Variants in BOD1L1 observed in about 807,000 individuals in gnomAD.
The protein encoded by BOD1L1 is biorientation of chromosomes in cell division protein 1-like 1.
BOD1L1 carries 86 observed loss-of-function variants against 240.7 expected under a neutral mutation model. That is an observed-to-expected ratio of 0.36 (90% CI 0.30 to 0.43). The LOEUF (loss-of-function observed/expected upper bound fraction) is 0.43, where lower values mean the gene tolerates loss of function less well. BOD1L1 is among the 20% of genes least tolerant of loss of function. BOD1L1 has a pLI of 1.00. For synonymous variants in BOD1L1, 1,268 were observed against 1,272.3 expected, an observed-to-expected ratio of 1.00 and a Z score of 0.07; for missense variants, 3,554 against 3,643.5, an observed-to-expected ratio of 0.98 and a Z score of 0.63.
At chr4:13,577,380 T>C (rs745864475) in intron 24 of BOD1L1, 23 bp downstream of exon 24, 14 of 1,604,566 alleles carry the variant, frequency 8.7e-6, no homozygotes, top group Non-Finnish European at 1.1e-5. Flanking sequence ...ATAAGACTTA[T>C]TAAGAATTTG....
chr4:13,576,094 G>T (rs1333397826), intron 25 of BOD1L1, among the ~76,000 whole-genome samples: 1 of 151,762 alleles, frequency 6.6e-6, no homozygotes, highest in Non-Finnish European at 1.5e-5. Context: ...TAGAGACGGG[G>T]TTTCACCATG....
Position 13,580,746 on chromosome 4 carries a change from T to A in BOD1L1, c.8703+274A>T, listed in dbSNP as rs867087557. Among the ~76,000 whole-genome samples the A allele has an allele frequency of 6.6e-5, 10 of 152,158 alleles. 1 individual carries two copies. The highest frequency in any genetic ancestry group is 3.2e-3 in the Middle Eastern group (1 of 316). On this transcript the variant is annotated intron_variant, in intron 21 of 25. Transcript: ENST00000040738. Reference sequence around the variant, plus strand: ...TCAAAATCTTATAAAATAGCTAATTTGTATATTTTAACCAAGGGTGGCCAC... The same window carrying A: ...TCAAAATCTTATAAAATAGCTAATTAGTATATTTTAACCAAGGGTGGCCAC...
intron 1 of BOD1L1, among the ~76,000 whole-genome samples, chr4:13,627,039 G>C (rs1717447726): frequency 1.3e-5 from 2 of 152,198 alleles, no homozygotes; most frequent in African/African-American, 4.8e-5. Context: ...CATCAGATAT[G>C]AGAATGAATA....
chr4:13,596,036 T>G (rs1577338419), intron 11 of BOD1L1, 92 bp from the exon 12 acceptor site: 5 of 1,008,092 alleles, frequency 5.0e-6, no homozygotes, highest in Non-Finnish European at 7.4e-6. Flanking sequence ...AAACCCAGCA[T>G]CCTGAAACAA....
In BOD1L1 at chr4:13,577,660, ATATTT is replaced by A. The variant is rs1220589912; in HGVS notation, c.8750-34_8750-30del. 11 of 1,485,576 alleles carry A rather than the reference ATATTT, an allele frequency of 7.4e-6. No individual in the cohort carries two copies. The African/African-American group carries it at 8.4e-5, about 11-fold the overall frequency. The allele number at this position is 1,485,576 out of a possible 1,614,324, so 92.0% of individuals were successfully genotyped here. On this transcript the variant is annotated intron_variant, in intron 22 of 25. Coordinates refer to ENST00000040738, the MANE Select transcript of BOD1L1 (RefSeq NM_148894.3). Reference sequence around the variant, plus strand: ...TAAGAAAAGGGAAATCTCTGCATTAATATTTTATTACTGTAAATTTAAATTTCAAC... The same window carrying A: ...TAAGAAAAGGGAAATCTCTGCATTAATATTACTGTAAATTTAAATTTCAAC...
chr4:13,604,991 A>T lies in BOD1L1; in HGVS notation c.1909T>A (p.Ser637Thr). Residue 637 changes from serine (S) to threonine (T), a missense_variant, in exon 10 of 26, where the codon TCT becomes ACT. Physicochemically the swap from Ser to Thr is moderately conservative, Grantham distance 58 (BLOSUM62 1). Transcript: ENST00000040738. ...TTGTTTTCGTCAACTACATGCAAAG[A>T]CTCTGAAAGTCTCCGGGCAGGTTTA... ...PSKPARRLSE[S>T]LHVVDENKNE... is the part of the protein sequence containing the mutation. 6.2e-7 allele frequency: 1 copy of T among 1,612,802 alleles called. No homozygotes were observed. The highest frequency in any genetic ancestry group is 8.5e-7 in the Non-Finnish European group (1 of 1,179,580).
chr4:13,581,104 G>T, intron 20 of BOD1L1, 28 bp downstream of exon 20: 1 of 1,565,774 alleles, frequency 6.4e-7, no homozygotes, highest in Non-Finnish European at 8.7e-7. Context: ...TTTCTTGTGT[G>T]TGAACTGAAA....
chr4:13,576,735 A>G, intron 25 of BOD1L1, 103 bp downstream of exon 25: 1 of 1,387,466 alleles, frequency 7.2e-7, no homozygotes, highest in Non-Finnish European at 9.7e-7. Context: ...CTTCCACTGC[A>G]GCATGAATGA....
At chr4:13,611,431 C>T (rs1716165791) in intron 5 of BOD1L1, among the ~76,000 whole-genome samples, 1 of 152,202 alleles carries the variant, frequency 6.6e-6, no homozygotes. Flanking sequence ...GTTCTGAGAG[C>T]TCTGCTTCGC....
intron 1 of BOD1L1, among the ~76,000 whole-genome samples, chr4:13,621,866 C>CT (rs144306218): frequency 4.6e-5 from 5 of 108,954 alleles, no homozygotes; most frequent in African/African-American, 1.3e-4. Context: ...AAAATTAATT[C>CT]TTTTTTTTTT....
At chr4:13,596,038 C>T in intron 11 of BOD1L1, 94 bp from the exon 12 acceptor site, 1 of 992,224 alleles carries the variant, frequency 1.0e-6, no homozygotes, top group Non-Finnish European at 1.5e-6. Flanking sequence ...ACCCAGCATC[C>T]TGAAACAATA....
At position 13,627,542 on chromosome 4, in the gene BOD1L1, G is replaced by A; in HGVS notation, c.46C>T (p.Pro16Ser). The change falls in exon 1 of 26, where the codon CCT becomes TCT. Residue 16 changes from proline to serine, a missense_variant. Pro to Ser is a moderately conservative substitution (Grantham distance 74, BLOSUM62 -1). Transcript: ENST00000040738. ...QPQPPPPAPP[P>S]PPPQPQPQPP... ...TGCGGCTGCGGCTGCGGCGGGGGAG[G>A]CGGCGGCGCCGGAGGAGGCGGCTGC... 24 of 1,130,844 alleles carry A rather than the reference G, an allele frequency of 2.1e-5. No homozygotes were observed. Among genetic ancestry groups the A allele is most frequent in the Non-Finnish European group, 2.6e-5 (24 of 923,054 alleles). 70.1% of individuals were successfully genotyped at this position (1,130,844 alleles called of 1,614,324 possible). A position where few individuals can be genotyped will look rare whatever the true frequency, so the allele number is the denominator to read the frequency against.
At chr4:13,610,829 C>A (rs1716098133) in intron 6 of BOD1L1, 105 bp downstream of exon 6, 10 of 944,580 alleles carry the variant, frequency 1.1e-5, no homozygotes, top group Admixed American at 3.2e-5. Flanking sequence ...GAAGGCAAAT[C>A]CTGTATGTCT....
chr4:13,595,607 T>G (rs879752161), intron 12 of BOD1L1, among the ~76,000 whole-genome samples: 1 of 152,236 alleles, frequency 6.6e-6, no homozygotes, highest in African/African-American at 2.4e-5. Context: ...AAAACAACTT[T>G]CGTTTTGCAT....
At chr4:13,570,734 T>C (rs1371240328) in intron 25 of BOD1L1, among the ~76,000 whole-genome samples, 1 of 152,190 alleles carries the variant, frequency 6.6e-6, no homozygotes, top group African/African-American at 2.4e-5. Context: ...ATGAAGTTCC[T>C]CTTGGGTCTC....
rs182961873 is a variant in BOD1L1 at position 13,612,760 on chromosome 4, T to C, written c.1324+752A>G. Among the ~76,000 whole-genome samples, 220 of 152,180 alleles carry C rather than the reference T, an allele frequency of 1.4e-3. 1 individual carries two copies. The highest frequency in any genetic ancestry group is 5.1e-3 in the African/African-American group (212 of 41,534). Reference sequence around the variant, plus strand: ...TGAGTCAAGCTAAACAGTCTAACGATGTGATTTAGGGTCGGAGTGTTGGGT... The same window carrying C: ...TGAGTCAAGCTAAACAGTCTAACGACGTGATTTAGGGTCGGAGTGTTGGGT... On this transcript the variant is annotated intron_variant, in intron 5 of 25. Coordinates refer to ENST00000040738, the MANE Select transcript of BOD1L1 (RefSeq NM_148894.3).
At position 13,604,048 on chromosome 4, in the gene BOD1L1, T is replaced by G; in HGVS notation, c.2852A>C (p.Asp951Ala). The change falls in exon 10 of 26, where the codon GAC (aspartate) becomes GCC (alanine). Residue 951 changes from aspartate to alanine, a missense_variant. Coordinates refer to ENST00000040738, the MANE Select transcript of BOD1L1 (RefSeq NM_148894.3). ...PDKEKNTEEN[D>A]SEKQRKSKVE... ...TTTAGACTTACGCTGTTTTTCTGAG[T>G]CATTTTCTTCTGTGTTCTTCTCCTT... The G allele has an allele frequency of 6.2e-7, 1 of 1,613,894 alleles. No individual in the cohort carries two copies. The highest frequency in any genetic ancestry group is 8.5e-7 in the Non-Finnish European group (1 of 1,179,874).
Position 13,600,667 on chromosome 4 carries a change from G to C in BOD1L1, c.6233C>G (p.Thr2078Arg). The change falls in exon 10 of 26, where the codon ACA becomes AGA. Residue 2078 changes from threonine (T) to arginine (R), a missense_variant. By Grantham distance (71) the Thr-to-Arg change is moderately conservative (BLOSUM62 -1). Transcript: ENST00000040738. ...GCTTACCTGAGGGGTGTAATCATTT[G>C]TGGTACTGGTGGAAATAATCAAAAC... ...GKVLIISTSTTNDYTPQVSAI... is the reference protein window; with the variant it reads ...GKVLIISTSTRNDYTPQVSAI... 6.2e-7 allele frequency: 1 copy of C among 1,613,960 alleles called. No individual in the cohort carries two copies. The highest frequency in any genetic ancestry group is 1.3e-5 in the African/African-American group (1 of 75,030).
Position 13,601,861 on chromosome 4 carries a change from A to G in BOD1L1, c.5039T>C (p.Phe1680Ser). The change falls in exon 10 of 26, where the codon TTT becomes TCT. Residue 1680 changes from phenylalanine to serine, a missense_variant. Phe to Ser is a radical substitution (Grantham distance 155). Around this residue, in one of 2 missense-constraint regions of BOD1L1, gnomAD observed 3,393 missense variants for 3,427.1 expected, o/e 0.99. Transcript: ENST00000040738. The part of the protein sequence containing the change: ...DSEIVEGTIT[F>S]ISEVESDGAV... ...TCCATCACTTTCAACTTCACTAATA[A>G]AAGTAATAGTTCCTTCAACTATTTC... The G allele has an allele frequency of 1.9e-6, 3 of 1,613,924 alleles. No individual in the cohort carries two copies. The highest frequency in any genetic ancestry group is 2.5e-6 in the Non-Finnish European group (3 of 1,179,876).
Sources: gnomAD v4.1 joint callset for allele counts (sites outside exome capture counted in the v4.1 genomes callset) on GRCh38, gnomAD v4.1.1 for gene constraint, gnomAD v4.1.1 regional missense constraint, MANE v1.5 for transcripts, NCBI Gene and HGNC (gene_info 2026-07-23, HGNC 2026-07-21) for gene names.